TRPM6: variants seen among roughly 807,000 people sequenced by gnomAD.
TRPM6 encodes channel kinase 2.
TRPM6 carries 111 observed loss-of-function variants against 247.6 expected under a neutral mutation model. The ratio of observed to expected loss-of-function variants is 0.45; its 90% confidence interval spans 0.38 to 0.52. The LOEUF (loss-of-function observed/expected upper bound fraction) is 0.52, where lower values mean the gene tolerates loss of function less well. Ranked by LOEUF, TRPM6 falls within the 20% of genes least tolerant of loss-of-function variation. The pLI is 0.00. For synonymous variants in TRPM6, 892 were observed against 853.8 expected, an observed-to-expected ratio of 1.04 and a Z score of -0.78; for missense variants, 2,126 against 2,421.5, an observed-to-expected ratio of 0.88 and a Z score of 2.56.
In TRPM6 at chr9:74,810,859, G is replaced by T; in HGVS notation, c.1453C>A (p.Pro485Thr). 6.2e-7 allele frequency: 1 copy of T among 1,613,558 alleles called. No individual in the cohort carries two copies. The highest frequency in any genetic ancestry group is 8.5e-7 in the Non-Finnish European group (1 of 1,179,618). ...AGATGATGCAAGAGTGTATTAGTAGGTCCTTGTTTCTGAAATAAAGAACAA... is the reference window on the plus strand; with the variant it reads ...AGATGATGCAAGAGTGTATTAGTAGTTCCTTGTTTCTGAAATAAAGAACAA... Reference protein sequence around the residue: ...LEELYNTKQGPTNTLLHHLVQ... With the variant: ...LEELYNTKQGTTNTLLHHLVQ... Residue 485 changes from proline (P) to threonine (T), a missense_variant, in exon 13 of 39, where the codon CCT becomes ACT. By Grantham distance (38) the Pro-to-Thr change is conservative (BLOSUM62 -1). Coordinates refer to ENST00000360774, the MANE Select transcript of TRPM6 (RefSeq NM_017662.5).
intron 23 of TRPM6, among the ~76,000 whole-genome samples, chr9:74,780,210 G>GTATCGGCTGGATGCGGTGGCTCATGCCTA (rs1827385516): frequency 6.6e-6 from 1 of 151,566 alleles, no homozygotes; most frequent in African/African-American, 2.4e-5. Flanking sequence ...GCTCACACCT[G>GTATCGGCTGGATGCGGTGGCTCATGCCTA]TAATCCCAGC....
intron 1 of TRPM6, among the ~76,000 whole-genome samples, chr9:74,884,544 C>CATAT (rs1554743580): frequency 3.4e-4 from 51 of 151,690 alleles, no homozygotes; most frequent in Admixed American, 2.4e-3. Flanking sequence ...TACATACATA[C>CATAT]GTATATAAAA....
At chr9:74,807,829 G>GT (rs1828582995) in intron 14 of TRPM6, among the ~76,000 whole-genome samples, 1 of 152,266 alleles carries the variant, frequency 6.6e-6, no homozygotes, top group East Asian at 1.9e-4. Context: ...CTGTTTAAGA[G>GT]TTTCTAAACT....
chr9:74,824,637 A>G (rs1204674675), intron 7 of TRPM6, among the ~76,000 whole-genome samples: 1 of 151,698 alleles, frequency 6.6e-6, no homozygotes, highest in Non-Finnish European at 1.5e-5. Context: ...CTTCTACTGT[A>G]AGGTCCCAGG....
intron 3 of TRPM6, among the ~76,000 whole-genome samples, chr9:74,850,474 C>T (rs146084025): frequency 1.3e-5 from 2 of 152,194 alleles, no homozygotes; most frequent in Non-Finnish European, 2.9e-5. Context: ...ATTCCCACCA[C>T]TTTGGGAGGC....
chr9:74,769,894 G>C (rs1826971532), intron 25 of TRPM6, among the ~76,000 whole-genome samples: 1 of 152,144 alleles, frequency 6.6e-6, no homozygotes, highest in Admixed American at 6.5e-5. Context: ...AGCTCCGTAA[G>C]CTCCTAATAC....
At chr9:74,799,747 T>C (rs548632115) in intron 17 of TRPM6, 2 of 163,576 alleles carry the variant, frequency 1.2e-5, no homozygotes, top group African/African-American at 4.8e-5. Flanking sequence ...TTTTAATGTG[T>C]AAGCACCCTC....
chr9:74,862,174 A>G (rs1478179535), intron 1 of TRPM6, among the ~76,000 whole-genome samples: 2 of 148,878 alleles, frequency 1.3e-5, no homozygotes, highest in Non-Finnish European at 3.0e-5. Context: ...TTTACTTCCC[A>G]CCCTGCCAAC....
At chr9:74,864,045 C>G (rs1409658387) in intron 1 of TRPM6, among the ~76,000 whole-genome samples, 1 of 152,048 alleles carries the variant, frequency 6.6e-6, no homozygotes, top group Admixed American at 6.6e-5. Flanking sequence ...TAACTGACTC[C>G]GATTTTGATT....
At chr9:74,818,253 T>G (rs978093726) in intron 9 of TRPM6, among the ~76,000 whole-genome samples, 8 of 151,616 alleles carry the variant, frequency 5.3e-5, no homozygotes, top group Non-Finnish European at 1.2e-4. Context: ...ACTAAGAAGA[T>G]TTCAACTCTT....
intron 6 of TRPM6, among the ~76,000 whole-genome samples, chr9:74,831,906 T>G (rs1212977123): frequency 6.6e-6 from 1 of 152,212 alleles, no homozygotes; most frequent in Non-Finnish European, 1.5e-5. Context: ...TATGGAGTAT[T>G]TAAGTATTAG....
intron 5 of TRPM6, among the ~76,000 whole-genome samples, chr9:74,835,380 ATG>A (rs869110516): frequency 4.8e-5 from 7 of 146,830 alleles, no homozygotes; most frequent in East Asian, 2.1e-4. Flanking sequence ...CCTATTATGA[ATG>A]TTTTTTTTAT....
chr9:74,802,576 A>G (rs995710551), intron 15 of TRPM6, among the ~76,000 whole-genome samples: 1 of 152,190 alleles, frequency 6.6e-6, no homozygotes, highest in Non-Finnish European at 1.5e-5. Flanking sequence ...AGACTACATG[A>G]CAACTTTTAG....
intron 36 of TRPM6, among the ~76,000 whole-genome samples, chr9:74,737,973 T>C (rs901727167): frequency 6.6e-6 from 1 of 152,140 alleles, no homozygotes; most frequent in Admixed American, 6.6e-5. Flanking sequence ...TCATGAACTG[T>C]TGTAACAAGG....
intron 37 of TRPM6, 44 bp downstream of exon 37, chr9:74,732,641 T>C: frequency 7.1e-7 from 1 of 1,403,806 alleles, no homozygotes; most frequent in East Asian, 2.3e-5. Context: ...ATTTACTATA[T>C]GTTAAATGCA....
chr9:74,789,972 A>G (rs1827843253), intron 19 of TRPM6, among the ~76,000 whole-genome samples: 1 of 90,574 alleles, frequency 1.1e-5, no homozygotes, highest in East Asian at 2.6e-4. Context: ...AAAAAAAAAA[A>G]AAAAAAAAAA....
At chr9:74,779,967 T>A (rs1415851568) in intron 23 of TRPM6, among the ~76,000 whole-genome samples, 2 of 138,234 alleles carry the variant, frequency 1.4e-5, no homozygotes, top group Non-Finnish European at 3.1e-5. Context: ...AGGTCAGGAG[T>A]TCAAGACCAG....
At position 74,752,312 on chromosome 9, in the gene TRPM6, T is replaced by A. The variant is rs892016520; in HGVS notation, c.4963A>T (p.Ile1655Leu). The A allele has an allele frequency of 1.2e-6, 2 of 1,601,884 alleles. No homozygotes were observed. Among genetic ancestry groups the A allele is most frequent in the Non-Finnish European group, 1.7e-6 (2 of 1,171,704 alleles). The change falls in exon 29 of 39, where the codon ATA (isoleucine) becomes TTA (leucine). Residue 1655 changes from isoleucine (I) to leucine (L), a missense_variant. Ile to Leu is a conservative substitution (Grantham distance 5). Coordinates refer to ENST00000360774, the MANE Select transcript of TRPM6 (RefSeq NM_017662.5). ...MKTKEIGQCA[I>L]QISDYLKQSQ... is the part of the protein sequence containing the mutation. ...TGCTTTAGGTAATCACTGATTTGTA[T>A]AGCACATTGTCCAATTTCTTTAGTT...
At chr9:74,837,752 T>C (rs866618204) in intron 5 of TRPM6, among the ~76,000 whole-genome samples, 40,145 of 142,774 alleles carry the variant, frequency 0.28, 6,409 homozygotes, top group East Asian at 0.52. Flanking sequence ...GGCCCCCTTT[T>C]TTTTTTTTTT....
Sources: allele counts gnomAD v4.1 joint callset (sites outside exome capture counted in the v4.1 genomes callset), GRCh38; gene constraint gnomAD v4.1.1; transcripts MANE v1.5; gene names NCBI Gene and HGNC (gene_info 2026-07-23, HGNC 2026-07-21).